WBP1L: variants seen among roughly 807,000 people sequenced by gnomAD.
WBP1L encodes the protein WW domain binding protein 1-like.
In WBP1L, 17 loss-of-function variants were observed where a neutral mutation model predicts 33.7. The observed-to-expected ratio is 0.50, with a 90% CI of 0.34 to 0.76. WBP1L has a LOEUF of 0.76. WBP1L is among the 30% of genes least tolerant of loss of function. The pLI is 0.01. For missense variants in WBP1L, 389 were observed against 469.4 expected (o/e 0.83, Z 1.58); for synonymous variants, 173 against 190.8 (o/e 0.91, Z 0.77).
At position 102,801,538 on chromosome 10, in the gene WBP1L, G is replaced by A. The variant is rs117700024; in HGVS notation, c.193+3443G>A. Among the ~76,000 whole-genome samples the A allele has an allele frequency of 5.3e-4, 80 of 152,258 alleles. 1 individual carries two copies. The East Asian group carries it at 6.6e-3, about 12-fold the overall frequency. On this transcript the variant is annotated intron_variant, in intron 2 of 3. Coordinates refer to ENST00000448841, the MANE Select transcript of WBP1L (RefSeq NM_001083913.2). ...TCTTACCTTCAGAAGGTAATCCAGC[G>A]GGGAGGGGATAGGATGTGCATTGGC...
chr10:102,809,651 C>A (rs761442213), intron 2 of WBP1L, among the ~76,000 whole-genome samples: 1 of 152,198 alleles, frequency 6.6e-6, no homozygotes, highest in African/African-American at 2.4e-5. Context: ...CATGAGCCAC[C>A]ACGCCCGGCC....
At chr10:102,789,474 G>T (rs1302727530) in intron 1 of WBP1L, among the ~76,000 whole-genome samples, 1 of 152,148 alleles carries the variant, frequency 6.6e-6, no homozygotes, top group African/African-American at 2.4e-5. Flanking sequence ...CACCGGTCTG[G>T]TTAAGCTGGC....
intron 1 of WBP1L, among the ~76,000 whole-genome samples, chr10:102,758,041 C>T (rs558811659): frequency 9.9e-5 from 15 of 151,332 alleles, no homozygotes; most frequent in East Asian, 1.9e-4. Flanking sequence ...CCCGCTACCA[C>T]GCCTGGCTAA....
At chr10:102,799,719 C>T (rs978331347) in intron 2 of WBP1L, among the ~76,000 whole-genome samples, 3 of 152,130 alleles carry the variant, frequency 2.0e-5, no homozygotes, top group Non-Finnish European at 4.4e-5. Context: ...TGACCTTGCC[C>T]CCACCATCCT....
At chr10:102,757,062 G>C (rs897454551) in intron 1 of WBP1L, among the ~76,000 whole-genome samples, 1 of 151,950 alleles carries the variant, frequency 6.6e-6, no homozygotes, top group Non-Finnish European at 1.5e-5. Flanking sequence ...TAATTTTTTT[G>C]TGTTTTTAAT....
chr10:102,808,762 A>G (rs569324448), intron 2 of WBP1L, among the ~76,000 whole-genome samples: 2 of 152,280 alleles, frequency 1.3e-5, no homozygotes, highest in Admixed American at 6.5e-5. Flanking sequence ...AGAGAAAAGC[A>G]CCTGATTTTT....
chr10:102,807,378 C>T (rs1473063579), intron 2 of WBP1L, among the ~76,000 whole-genome samples: 1 of 151,966 alleles, frequency 6.6e-6, no homozygotes, highest in African/African-American at 2.4e-5. Flanking sequence ...TTTTTCTGTC[C>T]ATATATACTT....
Position 102,809,992 on chromosome 10 carries a change from A to G in WBP1L, c.293A>G (p.His98Arg), listed in dbSNP as rs776969361. 1.4e-5 allele frequency: 22 copies of G among 1,613,916 alleles called. No homozygotes were observed. The highest frequency in any genetic ancestry group is 1.7e-5 in the Admixed American group (1 of 59,990). The change falls in exon 3 of 4, where the codon CAT (histidine) becomes CGT (arginine). Residue 98 changes from histidine (H) to arginine (R), a missense_variant. Physicochemically the swap from His to Arg is conservative, Grantham distance 29. Transcript: ENST00000448841. ...KHRLQAQQRQ[H>R]EINLIAYREA... ...CGCCTTCAGGCCCAGCAGCGGCAACATGAAATCAACCTGATCGCTTACCGA... is the reference window on the plus strand; with the variant it reads ...CGCCTTCAGGCCCAGCAGCGGCAACGTGAAATCAACCTGATCGCTTACCGA...
chr10:102,773,239 C>T (rs945779597), intron 1 of WBP1L, among the ~76,000 whole-genome samples: 1 of 152,148 alleles, frequency 6.6e-6, no homozygotes, highest in Non-Finnish European at 1.5e-5. Context: ...CTCCTCACCC[C>T]TCAGATATCA....
intron 1 of WBP1L, among the ~76,000 whole-genome samples, chr10:102,775,886 C>T (rs540050982): frequency 6.6e-6 from 1 of 152,272 alleles, no homozygotes; most frequent in East Asian, 1.9e-4. Flanking sequence ...TTATTCAGAG[C>T]AGTGTTCCTG....
intron 1 of WBP1L, among the ~76,000 whole-genome samples, chr10:102,767,170 A>G (rs1381680452): frequency 4.6e-5 from 7 of 152,204 alleles, no homozygotes; most frequent in Admixed American, 3.3e-4. Context: ...GCCCACTGAC[A>G]GTGTTGAGTT....
At chr10:102,793,283 A>G (rs1169318508) in intron 1 of WBP1L, among the ~76,000 whole-genome samples, 4 of 152,088 alleles carry the variant, frequency 2.6e-5, no homozygotes, top group Admixed American at 2.6e-4. Flanking sequence ...TCTACCAAAA[A>G]AGTAAAAATA....
chr10:102,772,255 G>A (rs1489711768), intron 1 of WBP1L, among the ~76,000 whole-genome samples: 6 of 97,724 alleles, frequency 6.1e-5, no homozygotes, highest in Non-Finnish European at 8.0e-5. Context: ...ACTGCGCCCG[G>A]CCTTTTTTTT....
chr10:102,747,817 T>C (rs907906369), intron 1 of WBP1L, among the ~76,000 whole-genome samples: 50 of 150,814 alleles, frequency 3.3e-4, no homozygotes, highest in Non-Finnish European at 4.7e-4. Context: ...CATGAGCCAC[T>C]CTGCCCAGCC....
At chr10:102,794,606 C>G (rs4919678) in intron 1 of WBP1L, among the ~76,000 whole-genome samples, 78,699 of 151,404 alleles carry the variant, frequency 0.52, 21,424 homozygotes, top group Middle Eastern at 0.64. Flanking sequence ...AAAAATTAGC[C>G]GGGTGTGGTG....
intron 1 of WBP1L, among the ~76,000 whole-genome samples, chr10:102,754,105 TTC>T (rs1842948635): frequency 6.6e-6 from 1 of 152,242 alleles, no homozygotes; most frequent in African/African-American, 2.4e-5. Context: ...TTAAATATTT[TTC>T]TCTCTTAGTA....
rs1224745672 is a variant in WBP1L at position 102,814,243 on chromosome 10, A to G, written c.*912A>G. ...CGGCTGTCTTGGAACCTCTGTGAGCAGGAGGCCCTAAGCCGCAGCAGTGGA... is the reference window on the plus strand; with the variant it reads ...CGGCTGTCTTGGAACCTCTGTGAGCGGGAGGCCCTAAGCCGCAGCAGTGGA... On this transcript the variant is annotated 3_prime_UTR_variant, in exon 4 of 4. Coordinates refer to ENST00000448841, the MANE Select transcript of WBP1L (RefSeq NM_001083913.2). The G allele has an allele frequency of 6.6e-6, 1 of 152,250 alleles. No homozygotes were observed. The highest frequency in any genetic ancestry group is 2.4e-5 in the African/African-American group (1 of 41,422). 9.4% of individuals were successfully genotyped at this position (152,250 alleles called of 1,614,324 possible). A position where few individuals can be genotyped will look rare whatever the true frequency, so the allele number is the denominator to read the frequency against.
intron 1 of WBP1L, among the ~76,000 whole-genome samples, chr10:102,788,935 C>T (rs567120387): frequency 2.1e-4 from 32 of 152,164 alleles, no homozygotes; most frequent in Middle Eastern, 3.4e-3. Context: ...AACTGTGGTA[C>T]TTTGGAGATT....
chr10:102,809,796 C>A, intron 2 of WBP1L, 97 bp from the exon 3 acceptor site: 1 of 1,397,470 alleles, frequency 7.2e-7, no homozygotes, highest in South Asian at 1.4e-5. Flanking sequence ...CAGCTTCAAC[C>A]ACGTGGGCAC....
Sources: gnomAD v4.1 joint callset for allele counts (sites outside exome capture counted in the v4.1 genomes callset) on GRCh38, gnomAD v4.1.1 for gene constraint, MANE v1.5 for transcripts, NCBI Gene and HGNC (gene_info 2026-07-23, HGNC 2026-07-21) for gene names.